AGAP1: variants seen among roughly 807,000 people sequenced by gnomAD.
The protein encoded by AGAP1 is arf-GAP with GTPase, ANK repeat and PH domain-containing protein 1.
AGAP1 carries 29 observed loss-of-function variants against 105.3 expected under a neutral mutation model. The observed-to-expected ratio is 0.28, with a 90% CI of 0.21 to 0.38. The LOEUF (loss-of-function observed/expected upper bound fraction) is 0.38. Ranked by LOEUF, AGAP1 falls within the 10% of genes least tolerant of loss-of-function variation. The pLI is 1.00. For synonymous variants in AGAP1, 509 were observed against 485.9 expected, an observed-to-expected ratio of 1.05 and a Z score of -0.63; for missense variants, 998 against 1,165.1, an observed-to-expected ratio of 0.86 and a Z score of 2.09.
chr2:235,991,881 T>C (rs2055577224), intron 13 of AGAP1, among the ~76,000 whole-genome samples: 1 of 152,248 alleles, frequency 6.6e-6, no homozygotes, highest in African/African-American at 2.4e-5. Context: ...TGTAATGTCT[T>C]CTTGAATTGT....
intron 6 of AGAP1, among the ~76,000 whole-genome samples, chr2:235,759,604 G>C (rs1456297328): frequency 6.6e-6 from 1 of 152,206 alleles, no homozygotes; most frequent in Non-Finnish European, 1.5e-5. Context: ...TGACTGTAAG[G>C]AGACTTGATT....
chr2:236,014,997 G>A lies in AGAP1; in HGVS notation c.1646-21564G>A, dbSNP rs2056647873. ...AAATGCAATTTGCCCAAAGCCGCAT[G>A]CTCCCTTATTGTGTTTGCAGAGTCA... On this transcript the variant is annotated intron_variant, in intron 13 of 17. Transcript: ENST00000304032. This position sits in a 1 kb window ranked among gnomAD's most constrained non-coding sequence, Gnocchi z 6.3. 3.3e-6 allele frequency: 1 copy of A among 303,992 alleles called. No individual in the cohort carries two copies. Among genetic ancestry groups the A allele is most frequent in the African/African-American group, 2.3e-5 (1 of 43,734 alleles). The allele number at this position is 303,992 out of a possible 1,614,324, so 18.8% of individuals were successfully genotyped here.
In AGAP1 at chr2:235,976,182, C is replaced by T. The variant is rs1157081655; in HGVS notation, c.1645+7559C>T. ...CAGTGATGGGAGCCACCATGCATCC[C>T]GACGGACTTGCCTCCTCCCCACAAA... On this transcript the variant is annotated intron_variant, in intron 13 of 17. Coordinates refer to ENST00000304032, the MANE Select transcript of AGAP1 (RefSeq NM_001037131.3). This position sits in a 1 kb window ranked among gnomAD's most constrained non-coding sequence, Gnocchi z 4.5. 6.6e-6 allele frequency among the ~76,000 whole-genome samples: 1 copy of T among 152,150 alleles called. No homozygotes were observed. Among genetic ancestry groups the T allele is most frequent in the African/African-American group, 2.4e-5 (1 of 41,430 alleles).
At position 235,750,417 on chromosome 2, in the gene AGAP1, A is replaced by T. The variant is rs758267171; in HGVS notation, c.602A>T (p.Asp201Val). The T allele has an allele frequency of 1.9e-6, 3 of 1,614,148 alleles. No individual in the cohort carries two copies. Among genetic ancestry groups the T allele is most frequent in the Non-Finnish European group, 1.7e-6 (2 of 1,180,032 alleles). The stretch of plus-strand genomic sequence containing the variant: ...GCCAGGGCGAGGAAGCTCTCCAACG[A>T]CCTGAAACGGTGCACGTACTACGAG... The part of the protein sequence containing the change: ...DDARARKLSN[D>V]LKRCTYYETC... Residue 201 changes from aspartate to valine, a missense_variant, in exon 6 of 18, where the codon GAC becomes GTC. Asp to Val is a radical substitution (Grantham distance 152). This residue lies in a region of AGAP1 where 735 missense variants were observed against 833.4 expected (regional missense o/e 0.88). Coordinates refer to ENST00000304032, the MANE Select transcript of AGAP1 (RefSeq NM_001037131.3). The surrounding 1 kb of genome is among the most constrained non-coding windows in gnomAD (Gnocchi z 5.3).
chr2:235,495,233 C>G (rs1413323037), intron 1 of AGAP1, among the ~76,000 whole-genome samples: 2 of 151,900 alleles, frequency 1.3e-5, no homozygotes, highest in Non-Finnish European at 2.9e-5. Flanking sequence ...GGGCGTCTTG[C>G]TGGACGTTGA....
intron 2 of AGAP1, among the ~76,000 whole-genome samples, chr2:235,711,816 C>G (rs1015713544): frequency 2.0e-5 from 3 of 152,154 alleles, no homozygotes; most frequent in Non-Finnish European, 2.9e-5. Context: ...CTAGCGCAGC[C>G]CCCCCAGGAC....
chr2:235,813,960 G>A (rs1050805292), intron 9 of AGAP1, among the ~76,000 whole-genome samples: 4 of 152,188 alleles, frequency 2.6e-5, no homozygotes, highest in South Asian at 2.1e-4. Flanking sequence ...TACCGCCCCC[G>A]GGTGAATTCC....
At position 236,053,478 on chromosome 2, in the gene AGAP1, C is replaced by G. The variant is rs1409643143; in HGVS notation, c.2114+4197C>G. On this transcript the variant is annotated intron_variant, in intron 16 of 17. Coordinates refer to ENST00000304032, the MANE Select transcript of AGAP1 (RefSeq NM_001037131.3). This position sits in a 1 kb window ranked among gnomAD's most constrained non-coding sequence, Gnocchi z 4.6. ...GTTTCCGGGGCTGCACGGCAGCGCCCTGGCCCGTTGTTCTTTATTGTTGTC... is the reference window on the plus strand; with the variant it reads ...GTTTCCGGGGCTGCACGGCAGCGCCGTGGCCCGTTGTTCTTTATTGTTGTC... Among the ~76,000 whole-genome samples, 1 of 152,252 alleles carries G rather than the reference C, an allele frequency of 6.6e-6. No individual in the cohort carries two copies. The highest frequency in any genetic ancestry group is 1.5e-5 in the Non-Finnish European group (1 of 68,052).
At chr2:236,018,105 A>G (rs915123070) in intron 13 of AGAP1, among the ~76,000 whole-genome samples, 1 of 152,248 alleles carries the variant, frequency 6.6e-6, no homozygotes, top group African/African-American at 2.4e-5. Flanking sequence ...TTGGATATAT[A>G]TGATTGCACT....
At chr2:235,944,090 A>G (rs1171784527) in intron 12 of AGAP1, among the ~76,000 whole-genome samples, 1 of 152,232 alleles carries the variant, frequency 6.6e-6, no homozygotes, top group Non-Finnish European at 1.5e-5. Context: ...TTTAATTGCT[A>G]CATTATTTCT....
intron 7 of AGAP1, among the ~76,000 whole-genome samples, chr2:235,798,546 T>C (rs1288653347): frequency 6.6e-6 from 1 of 152,150 alleles, no homozygotes; most frequent in Non-Finnish European, 1.5e-5. Context: ...CAGTAAGTTA[T>C]GGCATGTATT....
intron 11 of AGAP1, among the ~76,000 whole-genome samples, chr2:235,924,179 G>T (rs2052333427): frequency 2.0e-5 from 3 of 152,094 alleles, no homozygotes; most frequent in Non-Finnish European, 1.5e-5. Context: ...GTATCTTAAG[G>T]TAGTATCTTA....
intron 13 of AGAP1, among the ~76,000 whole-genome samples, chr2:236,026,659 G>T (rs566492593): frequency 6.6e-6 from 1 of 152,178 alleles, no homozygotes; most frequent in Non-Finnish European, 1.5e-5. Flanking sequence ...AACCTGGGAG[G>T]GGGAGGTTGC....
rs2056870107 is a variant in AGAP1, at chr2:236,021,157, T to A, written c.1646-15404T>A. ...CTCCAACCTGGGCGACAGAGCAAGA[T>A]TCTGTCTCAAAAAAAAAAAAAAAAA... is the stretch of plus-strand genomic sequence containing the variant. On this transcript the variant is annotated intron_variant, in intron 13 of 17. Coordinates refer to ENST00000304032, the MANE Select transcript of AGAP1 (RefSeq NM_001037131.3). Among the ~76,000 whole-genome samples, 3 of 146,614 alleles carry A rather than the reference T, an allele frequency of 2.0e-5. No homozygotes were observed. The South Asian group carries it at 6.5e-4, about 32-fold the overall frequency.
chr2:235,731,299 C>T (rs1193579925), intron 3 of AGAP1, among the ~76,000 whole-genome samples: 1 of 152,198 alleles, frequency 6.6e-6, no homozygotes, highest in Non-Finnish European at 1.5e-5. Context: ...GTTATTTTAT[C>T]ACTTGCTTAC....
Position 235,557,616 on chromosome 2 carries a change from C to T in AGAP1, c.163+62767C>T, listed in dbSNP as rs990406605. Among the ~76,000 whole-genome samples the T allele has an allele frequency of 6.6e-6, 1 of 152,160 alleles. No homozygotes were observed. The highest frequency in any genetic ancestry group is 2.4e-5 in the African/African-American group (1 of 41,424). On this transcript the variant is annotated intron_variant, in intron 1 of 17. Coordinates refer to ENST00000304032, the MANE Select transcript of AGAP1 (RefSeq NM_001037131.3). The surrounding 1 kb of genome is among the most constrained non-coding windows in gnomAD (Gnocchi z 4.7). ...CTTAACCTGAAGAAGCCCACTTAAT[C>T]CTTCCAGCATCCTGTCCTAGAACTT...
intron 10 of AGAP1, among the ~76,000 whole-genome samples, chr2:235,886,285 G>T (rs1345516317): frequency 6.6e-6 from 1 of 152,248 alleles, no homozygotes; most frequent in Non-Finnish European, 1.5e-5. Context: ...TCACTGACCA[G>T]TAAAAAGTGA....
rs1038821642 is a variant in AGAP1 at position 235,787,153 on chromosome 2, C to T, written c.674-10606C>T. On this transcript the variant is annotated intron_variant, in intron 6 of 17. Coordinates refer to ENST00000304032, the MANE Select transcript of AGAP1 (RefSeq NM_001037131.3). The surrounding 1 kb of genome is among the most constrained non-coding windows in gnomAD (Gnocchi z 4.4). Reference sequence around the variant, plus strand: ...CACTTCTTGTCTTTGAGTTCTCAGGCTTCTCCCCTCTCCTGTTGTAAGAGT... The same window carrying T: ...CACTTCTTGTCTTTGAGTTCTCAGGTTTCTCCCCTCTCCTGTTGTAAGAGT... 1.3e-5 allele frequency among the ~76,000 whole-genome samples: 2 copies of T among 152,216 alleles called. No individual in the cohort carries two copies. The highest frequency in any genetic ancestry group is 2.4e-5 in the African/African-American group (1 of 41,466).
rs1345718720 is a variant in AGAP1, at chr2:235,976,922, G to C, written c.1645+8299G>C. 6.6e-6 allele frequency among the ~76,000 whole-genome samples: 1 copy of C among 152,206 alleles called. No homozygotes were observed. The highest frequency in any genetic ancestry group is 2.4e-5 in the African/African-American group (1 of 41,446). On this transcript the variant is annotated intron_variant, in intron 13 of 17. Coordinates refer to ENST00000304032, the MANE Select transcript of AGAP1 (RefSeq NM_001037131.3). This position sits in a 1 kb window ranked among gnomAD's most constrained non-coding sequence, Gnocchi z 4.5. ...GGCTTGGAGCTCCTGGGGGTACCTAGGCAACTCCTGACGCCACAGACAAGC... is the reference window on the plus strand; with the variant it reads ...GGCTTGGAGCTCCTGGGGGTACCTACGCAACTCCTGACGCCACAGACAAGC...
Sources: allele counts gnomAD v4.1 joint callset (sites outside exome capture counted in the v4.1 genomes callset), GRCh38; gene constraint gnomAD v4.1.1; regional missense constraint gnomAD v4.1.1; non-coding constraint Gnocchi (gnomAD v3.1); transcripts MANE v1.5; gene names NCBI Gene and HGNC (gene_info 2026-07-23, HGNC 2026-07-21).